Variants in CPQ observed in about 807,000 individuals in gnomAD.
The protein encoded by CPQ is carboxypeptidase Q, also known as Ser-Met dipeptidase.
Under a neutral mutation model 45.7 loss-of-function variants are expected in CPQ, and 37 were observed. That is an observed-to-expected ratio of 0.81 (90% CI 0.62 to 1.07). The LOEUF is 1.07. Among genes scored for constraint, CPQ ranks in the 50% least tolerant of loss-of-function variants. The pLI, the probability that CPQ is intolerant of heterozygous loss-of-function variation, is 0.00. For missense variants in CPQ, 537 were observed against 572.9 expected (o/e 0.94, Z 0.64); for synonymous variants, 186 against 205.8 (o/e 0.90, Z 0.82).
chr8:96,922,751 A>G (rs1812825744), intron 4 of CPQ, among the ~76,000 whole-genome samples: 1 of 152,216 alleles, frequency 6.6e-6, no homozygotes, highest in South Asian at 2.1e-4. Flanking sequence ...AGCAATTTTA[A>G]CCAAATTCCT....
chr8:97,059,427 C>T (rs1199632667), intron 6 of CPQ, among the ~76,000 whole-genome samples: 1 of 152,084 alleles, frequency 6.6e-6, no homozygotes, highest in African/African-American at 2.4e-5. Context: ...GCCAGTTGAG[C>T]TATCAAATAA....
Position 96,970,983 on chromosome 8 carries a change from T to C in CPQ, c.961+4937T>C, listed in dbSNP as rs1586473581. 2.0e-5 allele frequency among the ~76,000 whole-genome samples: 3 copies of C among 152,176 alleles called. No individual in the cohort carries two copies. In the East Asian group the frequency reaches 5.8e-4, roughly 29 times the overall value. On this transcript the variant is annotated intron_variant, in intron 5 of 7. Transcript: ENST00000220763. ...GAAAGGGGGGAAAAGTGTCCTATGG[T>C]CAGATAAGTTTGGGAACTCCCTCTT...
At chr8:96,743,382 T>C (rs1338317124) in intron 1 of CPQ, among the ~76,000 whole-genome samples, 1 of 151,764 alleles carries the variant, frequency 6.6e-6, no homozygotes, top group African/African-American at 2.4e-5. Context: ...TTCTTCTAAA[T>C]TTTTTTCAAA....
intron 6 of CPQ, among the ~76,000 whole-genome samples, chr8:97,058,920 T>A (rs1810500522): frequency 1.3e-5 from 2 of 152,188 alleles, no homozygotes; most frequent in African/African-American, 4.8e-5. Context: ...GATATTGCAT[T>A]TTTTAAAAAA....
chr8:96,669,382 C>T (rs780586601), intron 1 of CPQ, among the ~76,000 whole-genome samples: 1 of 152,206 alleles, frequency 6.6e-6, no homozygotes, highest in African/African-American at 2.4e-5. Context: ...GACCCTGCCC[C>T]TCCTTGAGTG....
At chr8:96,688,289 G>A (rs1809261104) in intron 1 of CPQ, among the ~76,000 whole-genome samples, 1 of 152,020 alleles carries the variant, frequency 6.6e-6, no homozygotes, top group South Asian at 2.1e-4. Context: ...CTTGCCTGTT[G>A]TAATCTTTGC....
intron 1 of CPQ, among the ~76,000 whole-genome samples, chr8:96,663,576 A>G (rs1808878709): frequency 6.6e-6 from 1 of 152,266 alleles, no homozygotes; most frequent in South Asian, 2.1e-4. Flanking sequence ...TTCAAACCTA[A>G]GAAAATCTTT....
At position 96,645,242 on chromosome 8, in the gene CPQ, C is replaced by T. The variant is rs968171401; in HGVS notation, c.-195C>T. 1 of 152,362 alleles carries T rather than the reference C, an allele frequency of 6.6e-6. No individual in the cohort carries two copies. The highest frequency in any genetic ancestry group is 2.4e-5 in the African/African-American group (1 of 41,462). The allele number at this position is 152,362 out of a possible 1,614,324, so 9.4% of individuals were successfully genotyped here. On this transcript the variant is annotated 5_prime_UTR_variant, in exon 1 of 8. Coordinates refer to ENST00000220763, the MANE Select transcript of CPQ (RefSeq NM_016134.4). ...TTCCCGAGTCAGGTCTTTGCCCCGC[C>T]TCTCGGCCCCGCGGCCTGGCCGGCA...
intron 7 of CPQ, among the ~76,000 whole-genome samples, chr8:97,091,105 T>C (rs1811117602): frequency 6.6e-6 from 1 of 152,056 alleles, no homozygotes; most frequent in South Asian, 2.1e-4. Flanking sequence ...GAGGAGAGTT[T>C]GGTAAGAGTC....
intron 4 of CPQ, among the ~76,000 whole-genome samples, chr8:96,904,778 C>T (rs948255455): frequency 2.0e-5 from 3 of 152,148 alleles, no homozygotes; most frequent in African/African-American, 7.2e-5. Flanking sequence ...TTATGCAATA[C>T]TGCCAGTTGC....
chr8:97,072,830 C>T (rs1274763424), intron 7 of CPQ, among the ~76,000 whole-genome samples: 1 of 152,168 alleles, frequency 6.6e-6, no homozygotes, highest in Non-Finnish European at 1.5e-5. Context: ...CCTGTGTTCA[C>T]CTCTCCTCTT....
At chr8:96,667,351 CTTTT>C (rs376559950) in intron 1 of CPQ, among the ~76,000 whole-genome samples, 2 of 135,004 alleles carry the variant, frequency 1.5e-5, no homozygotes, top group African/African-American at 2.7e-5. Context: ...TTATCTTTTT[CTTTT>C]TTTTTTTTTT....
chr8:96,989,441 G>A (rs1809050413), intron 5 of CPQ, among the ~76,000 whole-genome samples: 1 of 141,282 alleles, frequency 7.1e-6, no homozygotes, highest in African/African-American at 2.6e-5. Context: ...GGAAGGGGAG[G>A]GGAGGGGAGG....
chr8:96,875,823 C>CT (rs1348374462), intron 3 of CPQ, among the ~76,000 whole-genome samples: 2 of 151,514 alleles, frequency 1.3e-5, no homozygotes, highest in African/African-American at 4.8e-5. Context: ...TTGTCAATTT[C>CT]TTTTTTTAAA....
At chr8:97,123,163 A>AAATAAAATAAAAT (rs1811776774) in intron 7 of CPQ, among the ~76,000 whole-genome samples, 1 of 123,428 alleles carries the variant, frequency 8.1e-6, no homozygotes, top group African/African-American at 3.3e-5. Flanking sequence ...AAAATAAAAT[A>AAATAAAATAAAAT]AAATAAAATA....
intron 4 of CPQ, among the ~76,000 whole-genome samples, chr8:96,880,506 CAAATATATGGT>C (rs1159487293): frequency 1.2e-4 from 14 of 117,664 alleles, no homozygotes; most frequent in Admixed American, 2.9e-4. Context: ...GGCTAAAAAA[CAAATATATGGT>C]CATATATATA....
intron 5 of CPQ, among the ~76,000 whole-genome samples, chr8:97,018,417 G>A (rs554584784): frequency 4.1e-4 from 62 of 152,286 alleles, no homozygotes; most frequent in African/African-American, 1.4e-3. Context: ...AAAGAATTCA[G>A]AAGGTTAGTT....
At chr8:96,727,538 T>G (rs1809859044) in intron 1 of CPQ, among the ~76,000 whole-genome samples, 2 of 152,216 alleles carry the variant, frequency 1.3e-5, no homozygotes, top group Non-Finnish European at 2.9e-5. Flanking sequence ...GTCCTTATGG[T>G]TCTTTTACAT....
intron 5 of CPQ, among the ~76,000 whole-genome samples, chr8:97,000,250 C>T (rs1309854677): frequency 1.3e-5 from 2 of 152,056 alleles, no homozygotes; most frequent in Non-Finnish European, 2.9e-5. Context: ...AATTAGATCC[C>T]ATTTGTCAAA....
Sources: gnomAD v4.1 joint callset for allele counts (sites outside exome capture counted in the v4.1 genomes callset) on GRCh38, gnomAD v4.1.1 for gene constraint, MANE v1.5 for transcripts, NCBI Gene and HGNC (gene_info 2026-07-23, HGNC 2026-07-21) for gene names.